The following KCNMA1 variants were observed in gnomAD, a reference collection of about 807,000 sequenced individuals.
The protein encoded by KCNMA1 is Calcium-activated potassium channel subunit alpha-1.
KCNMA1 carries 29 observed loss-of-function variants against 140.0 expected under a neutral mutation model. The observed-to-expected ratio is 0.21, with a 90% confidence interval of 0.15 to 0.28. The LOEUF (loss-of-function observed/expected upper bound fraction) is 0.28. Ranked by LOEUF, KCNMA1 falls within the 10% of genes least tolerant of loss-of-function variation. KCNMA1 has a pLI of 1.00. For missense variants in KCNMA1, 880 were observed against 1,602.2 expected (o/e 0.55, Z 7.70); for synonymous variants, 612 against 611.9 (o/e 1.00, Z 0.00).
chr10:76,874,334 T>C (rs1209989910), downstream of KCNMA1: 2 of 152,122 alleles, frequency 1.3e-5, no homozygotes, highest in African/African-American at 4.8e-5. Context: ...GACACAATAG[T>C]CTGCATGGGC....
At chr10:77,462,171 C>T (rs1219403408) in intron 1 of KCNMA1, among the ~76,000 whole-genome samples, 4 of 152,036 alleles carry the variant, frequency 2.6e-5, no homozygotes, top group Admixed American at 2.6e-4. Context: ...ATGAAACAGG[C>T]ACACAGACAC....
At chr10:77,436,433 T>TA (rs56151677) in intron 1 of KCNMA1, among the ~76,000 whole-genome samples, 19,291 of 152,274 alleles carry the variant, frequency 0.13, 1,272 homozygotes, top group Middle Eastern at 0.18. Flanking sequence ...AACAGATTAC[T>TA]AACCATTTGG....
At chr10:77,345,315 C>T (rs756052385) in intron 2 of KCNMA1, among the ~76,000 whole-genome samples, 14 of 152,294 alleles carry the variant, frequency 9.2e-5, no homozygotes, top group Non-Finnish European at 1.3e-4. Context: ...TCCATAGAAT[C>T]GGTCCCAAGC....
intron 1 of KCNMA1, chr10:77,586,512 G>A (rs2154563878): frequency 6.6e-6 from 1 of 152,258 alleles, no homozygotes; most frequent in Non-Finnish European, 1.5e-5. Context: ...CATGATTTGA[G>A]CCCTCATTAG....
chr10:77,560,052 G>A (rs1027257852), intron 1 of KCNMA1, among the ~76,000 whole-genome samples: 1 of 151,960 alleles, frequency 6.6e-6, no homozygotes, highest in Non-Finnish European at 1.5e-5. Flanking sequence ...GCGTGGTGGC[G>A]GGTGCCTGTA....
intron 1 of KCNMA1, among the ~76,000 whole-genome samples, chr10:77,476,487 G>C (rs2098281466): frequency 6.6e-6 from 1 of 152,160 alleles, no homozygotes; most frequent in South Asian, 2.1e-4. Flanking sequence ...TGCTCGGTCA[G>C]GGCCACTGTC....
chr10:77,510,978 T>C (rs1027787099), intron 1 of KCNMA1, among the ~76,000 whole-genome samples: 18 of 152,236 alleles, frequency 1.2e-4, no homozygotes, highest in Admixed American at 2.6e-4. Flanking sequence ...TGAGCAGTGC[T>C]GCTCCACTCC....
intron 1 of KCNMA1, among the ~76,000 whole-genome samples, chr10:77,632,535 C>T (rs1217436362): frequency 6.6e-6 from 1 of 152,176 alleles, no homozygotes; most frequent in Non-Finnish European, 1.5e-5. Context: ...ACCATCCTGC[C>T]AGGACCCCAT....
At chr10:77,259,278 G>A (rs2061460683) in intron 2 of KCNMA1, among the ~76,000 whole-genome samples, 1 of 152,146 alleles carries the variant, frequency 6.6e-6, no homozygotes, top group Non-Finnish European at 1.5e-5. Context: ...AAATGCATGG[G>A]ATTGCCAGAT....
At chr10:77,086,644 C>T (rs750046708) in intron 10 of KCNMA1, 51 bp from the exon 11 acceptor site, 5 of 1,300,766 alleles carry the variant, frequency 3.8e-6, no homozygotes, top group Admixed American at 1.8e-5. Context: ...TCGGGGGTTT[C>T]AGCCTCCATG....
chr10:76,902,535 T>A (rs1242750508), intron 25 of KCNMA1: 1 of 152,040 alleles, frequency 6.6e-6, no homozygotes, highest in East Asian at 1.9e-4. Flanking sequence ...TGAGTTAGGG[T>A]CCTGTTCAGA....
At chr10:77,060,717 A>C (rs557631795) in intron 14 of KCNMA1, among the ~76,000 whole-genome samples, 2 of 152,316 alleles carry the variant, frequency 1.3e-5, no homozygotes, top group South Asian at 4.1e-4. Context: ...TGCAGAAGTG[A>C]TTAACGATCT....
At position 77,027,838 on chromosome 10, in the gene KCNMA1, G is replaced by T; in HGVS notation, c.1913C>A (p.Ala638Asp). 1 of 1,613,844 alleles carries T rather than the reference G, an allele frequency of 6.2e-7. No individual in the cohort carries two copies. The highest frequency in any genetic ancestry group is 8.5e-7 in the Non-Finnish European group (1 of 1,179,862). Residue 638 changes from alanine to aspartate, a missense_variant, in exon 16 of 28, where the codon GCC becomes GAC. By Grantham distance (126) the Ala-to-Asp change is moderately radical. Around this residue, in one of 13 missense-constraint regions of KCNMA1, gnomAD observed 196 missense variants for 233.0 expected, o/e 0.84. Transcript: ENST00000286628. ...GCAAACTTACCGGCTCTCTCGGTTG[G>T]CAGACTTGTACTCAATGGCTATCAT... ...LLMIAIEYKS[A>D]NRESRILINP... is the part of the protein sequence containing the mutation.
chr10:77,223,053 C>T (rs889251191), intron 3 of KCNMA1, among the ~76,000 whole-genome samples: 7 of 152,018 alleles, frequency 4.6e-5, no homozygotes, highest in African/African-American at 1.5e-4. Context: ...CATGGTGAAA[C>T]CCCGTCTCTA....
At chr10:77,291,731 C>G (rs768284732) in intron 2 of KCNMA1, among the ~76,000 whole-genome samples, 7 of 152,200 alleles carry the variant, frequency 4.6e-5, no homozygotes, top group Non-Finnish European at 1.0e-4. Flanking sequence ...TTCCCAGCGT[C>G]TGGGGGAAAA....
intron 19 of KCNMA1, among the ~76,000 whole-genome samples, chr10:76,987,998 C>G (rs1025418523): frequency 1.3e-5 from 2 of 152,228 alleles, no homozygotes; most frequent in East Asian, 3.9e-4. Flanking sequence ...GGCAGACTAG[C>G]TGAAGAAGAA....
intron 23 of KCNMA1, among the ~76,000 whole-genome samples, chr10:76,924,317 T>C (rs1047287941): frequency 6.6e-6 from 1 of 152,152 alleles, no homozygotes; most frequent in East Asian, 1.9e-4. Context: ...ACAGGTAACA[T>C]ACTGACATGT....
intron 1 of KCNMA1, among the ~76,000 whole-genome samples, chr10:77,522,627 G>A (rs1475418617): frequency 6.6e-6 from 1 of 152,192 alleles, no homozygotes; most frequent in African/African-American, 2.4e-5. Context: ...GCCGGATACA[G>A]GGAAGCAGAG....
At chr10:77,091,718 C>T (rs1326834725) in intron 9 of KCNMA1, 7 of 152,218 alleles carry the variant, frequency 4.6e-5, no homozygotes, top group Non-Finnish European at 8.8e-5. Context: ...ATGTCCCTTG[C>T]ACTTCATAAT....
Sources: allele counts gnomAD v4.1 joint callset (sites outside exome capture counted in the v4.1 genomes callset), GRCh38; gene constraint gnomAD v4.1.1; regional missense constraint gnomAD v4.1.1; transcripts MANE v1.5; gene names NCBI Gene and HGNC (gene_info 2026-07-23, HGNC 2026-07-21).